The following FAM228B variants were observed in gnomAD, a reference collection of about 807,000 sequenced individuals.
FAM228B encodes the protein family with sequence similarity 228 member B, also known as protein FAM228B.
A neutral mutation model predicts 42.6 loss-of-function variants in FAM228B; 38 were observed. The ratio of observed to expected loss-of-function variants is 0.89; its 90% CI spans 0.69 to 1.17. The LOEUF (loss-of-function observed/expected upper bound fraction) is 1.17, where lower values mean the gene tolerates loss of function less well. Among genes scored for constraint, FAM228B ranks in the 50% most tolerant of loss-of-function variants. The probability of loss-of-function intolerance (pLI) is 0.00; values close to 1 mark genes in which losing one functional copy is unlikely to be tolerated. For synonymous variants in FAM228B, 109 were observed against 122.3 expected, an observed-to-expected ratio of 0.89 and a Z score of 0.72; for missense variants, 344 against 367.3, an observed-to-expected ratio of 0.94 and a Z score of 0.52.
chr2:24,089,000 T>C (rs1480547848), intron 2 of FAM228B, among the ~76,000 whole-genome samples: 1 of 152,108 alleles, frequency 6.6e-6, no homozygotes, highest in Non-Finnish European at 1.5e-5. Context: ...AACAGTGTGG[T>C]TTCCCAGATA....
chr2:24,144,161 T>G (rs1301686184), intron 5 of FAM228B, among the ~76,000 whole-genome samples: 1 of 152,134 alleles, frequency 6.6e-6, no homozygotes, highest in Non-Finnish European at 1.5e-5. Flanking sequence ...TAAAATTTGG[T>G]CTGGGCATGG....
Position 24,146,815 on chromosome 2 carries a change from C to T in FAM228B, c.509C>T (p.Thr170Ile), listed in dbSNP as rs1472558464. The part of the protein sequence containing the change: ...AQYDKDNEKR[T>I]LLQCETGKIY... ...TATGACAAGGATAACGAAAAAAGAA[C>T]TCTTCTTCAGTGTGAGACTGGTACT... is the stretch of plus-strand genomic sequence containing the variant. Residue 170 changes from threonine to isoleucine, a missense_variant, in exon 6 of 11, where the codon ACT becomes ATT. Transcript: ENST00000615575. 6.5e-7 allele frequency: 1 copy of T among 1,548,928 alleles called. No homozygotes were observed. Among genetic ancestry groups the T allele is most frequent in the South Asian group, 1.2e-5 (1 of 83,922 alleles).
intron 3 of FAM228B, among the ~76,000 whole-genome samples, chr2:24,137,372 A>T (rs1666188085): frequency 6.6e-6 from 1 of 152,158 alleles, no homozygotes; most frequent in African/African-American, 2.4e-5. Flanking sequence ...ATCTTTTAAG[A>T]ATCTAGCAAA....
intron 3 of FAM228B, among the ~76,000 whole-genome samples, chr2:24,107,668 C>T (rs1380937879): frequency 1.3e-5 from 2 of 152,116 alleles, no homozygotes; most frequent in Non-Finnish European, 2.9e-5. Context: ...CAACCTGCTC[C>T]AAAATGACTT....
At chr2:24,162,323 C>T (rs778989639) in intron 8 of FAM228B, among the ~76,000 whole-genome samples, 8 of 152,108 alleles carry the variant, frequency 5.3e-5, no homozygotes, top group Non-Finnish European at 8.8e-5. Flanking sequence ...TTGTTGTAAA[C>T]AGAGAATGGT....
intron 2 of FAM228B, among the ~76,000 whole-genome samples, chr2:24,081,884 ATGAAGTTTCACCG>A (rs1665021548): frequency 6.6e-6 from 1 of 151,890 alleles, no homozygotes; most frequent in African/African-American, 2.4e-5. Context: ...TTTAGTAGAG[ATGAAGTTTCACCG>A]TGTTAGCCAG....
chr2:24,136,931 C>T (rs1258281784), intron 3 of FAM228B, among the ~76,000 whole-genome samples: 1 of 152,116 alleles, frequency 6.6e-6, no homozygotes, highest in East Asian at 1.9e-4. Context: ...CTCATTTCTC[C>T]CTCCCCCAGG....
At chr2:24,127,492 T>C (rs1026025746) in intron 2 of FAM228B, among the ~76,000 whole-genome samples, 1 of 152,188 alleles carries the variant, frequency 6.6e-6, no homozygotes, top group Non-Finnish European at 1.5e-5. Flanking sequence ...ATATGGTAAC[T>C]ATATGTTTAA....
intron 7 of FAM228B, among the ~76,000 whole-genome samples, chr2:24,160,285 C>T (rs1667257140): frequency 1.3e-5 from 2 of 152,092 alleles, no homozygotes; most frequent in African/African-American, 4.8e-5. Flanking sequence ...CCACTGCACC[C>T]AGCTGGATTT....
intron 10 of FAM228B, among the ~76,000 whole-genome samples, chr2:24,168,618 G>C (rs1667486717): frequency 6.6e-6 from 1 of 152,118 alleles, no homozygotes. Flanking sequence ...GCTTTTGTGG[G>C]GTTTTGCTAT....
chr2:24,094,407 T>A (rs998581554), intron 2 of FAM228B, among the ~76,000 whole-genome samples: 2 of 152,156 alleles, frequency 1.3e-5, no homozygotes, highest in African/African-American at 2.4e-5. Flanking sequence ...CTAAAATTAT[T>A]CACCTGAAAT....
intron 1 of FAM228B, among the ~76,000 whole-genome samples, chr2:24,079,886 C>T (rs1017639167): frequency 1.3e-5 from 2 of 152,154 alleles, no homozygotes; most frequent in East Asian, 1.9e-4. Context: ...CATGACCTAG[C>T]GTCTCCTGTC....
chr2:24,152,161 G>A (rs1277833162), intron 7 of FAM228B, among the ~76,000 whole-genome samples: 2 of 152,158 alleles, frequency 1.3e-5, no homozygotes, highest in Non-Finnish European at 2.9e-5. Flanking sequence ...GAGCCACCAC[G>A]CCCAGACAAT....
chr2:24,097,414 A>G (rs1384192796), intron 3 of FAM228B: 1 of 151,060 alleles, frequency 6.6e-6, no homozygotes, highest in Non-Finnish European at 1.5e-5. Context: ...AGACTAAAAT[A>G]AAGGGATGGA....
At chr2:24,155,531 A>ATATATATT (rs1558393367) in intron 7 of FAM228B, among the ~76,000 whole-genome samples, 11 of 13,046 alleles carry the variant, frequency 8.4e-4, no homozygotes, top group Non-Finnish European at 1.5e-3. Flanking sequence ...ATATATATAT[A>ATATATATT]TTTTTTTTTT....
intron 10 of FAM228B, chr2:24,167,945 A>C: frequency 2.6e-6 from 1 of 390,986 alleles, no homozygotes; most frequent in Non-Finnish European, 4.8e-6. Flanking sequence ...TATTGCTTGG[A>C]ATTTCTCACC....
At chr2:24,081,399 A>G (rs995461834) in intron 2 of FAM228B, among the ~76,000 whole-genome samples, 1 of 151,802 alleles carries the variant, frequency 6.6e-6, no homozygotes, top group Non-Finnish European at 1.5e-5. Flanking sequence ...AAGAACAACT[A>G]CCATTCCCAT....
upstream of FAM228B, chr2:24,119,747 C>G (rs148906698): frequency 1.3e-5 from 16 of 1,212,536 alleles, no homozygotes; most frequent in African/African-American, 2.2e-4. Context: ...TGGTCATGCT[C>G]CAGCTACGTT....
chr2:24,126,650 G>A (rs564001753), intron 2 of FAM228B, among the ~76,000 whole-genome samples: 11 of 146,272 alleles, frequency 7.5e-5, no homozygotes, highest in African/African-American at 1.8e-4. Context: ...TTGCTCTGTC[G>A]CCCAGACTGG....
Sources: allele counts gnomAD v4.1 joint callset (sites outside exome capture counted in the v4.1 genomes callset), GRCh38; gene constraint gnomAD v4.1.1; transcripts MANE v1.5; gene names NCBI Gene and HGNC (gene_info 2026-07-23, HGNC 2026-07-21).